ADGRB3: variants seen among roughly 807,000 people sequenced by gnomAD.
ADGRB3 encodes the protein brain-specific angiogenesis inhibitor 3.
ADGRB3 carries 37 observed loss-of-function variants against 193.4 expected under a neutral mutation model. That is an observed-to-expected ratio of 0.19 (90% CI 0.15 to 0.25). The LOEUF (loss-of-function observed/expected upper bound fraction) is 0.25. Ranked by LOEUF, ADGRB3 falls within the 10% of genes least tolerant of loss-of-function variation. ADGRB3 has a pLI of 1.00. For synonymous variants in ADGRB3, 690 were observed against 644.2 expected, an observed-to-expected ratio of 1.07 and a Z score of -1.08; for missense variants, 1,637 against 1,852.9, an observed-to-expected ratio of 0.88 and a Z score of 2.14.
intron 17 of ADGRB3, among the ~76,000 whole-genome samples, chr6:69,157,700 TAAA>T (rs35319098): frequency 7.2e-6 from 1 of 138,336 alleles, no homozygotes; most frequent in Non-Finnish European, 1.6e-5. Flanking sequence ...TATCTCTCTG[TAAA>T]AAAAAAAAAA....
chr6:68,681,166 C>T (rs1764887404), intron 3 of ADGRB3, among the ~76,000 whole-genome samples: 1 of 152,128 alleles, frequency 6.6e-6, no homozygotes. Flanking sequence ...CTAGAATGCA[C>T]TCATTATGGT....
At chr6:68,942,955 TATTCAC>T (rs1406337279) in intron 5 of ADGRB3, among the ~76,000 whole-genome samples, 2 of 152,224 alleles carry the variant, frequency 1.3e-5, no homozygotes, top group African/African-American at 4.8e-5. Context: ...TAACAATACT[TATTCAC>T]AGTGGTTATT....
At chr6:69,153,539 A>G (rs1023134011) in intron 17 of ADGRB3, among the ~76,000 whole-genome samples, 2 of 152,154 alleles carry the variant, frequency 1.3e-5, no homozygotes, top group Non-Finnish European at 2.9e-5. Flanking sequence ...TTCTTTTTCA[A>G]CAAGGTATGA....
intron 3 of ADGRB3, among the ~76,000 whole-genome samples, chr6:68,915,289 C>T (rs533133482): frequency 1.4e-4 from 8 of 57,894 alleles, no homozygotes; most frequent in Non-Finnish European, 2.5e-4. Context: ...TAGGACCTAA[C>T]TCATCCAGTT....
chr6:69,043,005 C>T (rs12212638), intron 13 of ADGRB3, among the ~76,000 whole-genome samples: 23,721 of 152,030 alleles, frequency 0.16, 2,473 homozygotes, highest in Non-Finnish European at 0.22. Context: ...ACTGCGTTTA[C>T]CACTTAGTCT....
chr6:69,339,668 G>A (rs1768934881), intron 26 of ADGRB3, among the ~76,000 whole-genome samples, 164 bp downstream of exon 26: 1 of 152,288 alleles, frequency 6.6e-6, no homozygotes, highest in African/African-American at 2.4e-5. Context: ...CACAGCTTGG[G>A]AGAGCCCCCA....
intron 22 of ADGRB3, among the ~76,000 whole-genome samples, chr6:69,329,864 A>G (rs1196552545): frequency 6.6e-6 from 1 of 152,186 alleles, no homozygotes; most frequent in East Asian, 1.9e-4. Flanking sequence ...TCTTGTCTCT[A>G]TCAATGCAAA....
intron 20 of ADGRB3, among the ~76,000 whole-genome samples, chr6:69,254,821 A>G (rs1293516484): frequency 6.7e-6 from 1 of 149,954 alleles, no homozygotes; most frequent in African/African-American, 2.4e-5. Flanking sequence ...CTCGTCATCT[A>G]GCATTAGATA....
At chr6:68,716,274 C>G (rs1180972112) in intron 3 of ADGRB3, among the ~76,000 whole-genome samples, 1 of 151,582 alleles carries the variant, frequency 6.6e-6, no homozygotes, top group Non-Finnish European at 1.5e-5. Flanking sequence ...TTCATGTGTT[C>G]ATTTTATGTG....
rs964837842 is a variant in ADGRB3, at chr6:69,354,249, G to A, written c.3476G>A (p.Arg1159Lys). ...TCCCCACAGGTTCAGGATGCATTTA[G>A]ATGCCGATTGAGAAACTGTCAGGAT... is the stretch of plus-strand genomic sequence containing the variant. ...ILRREVQDAF[R>K]CRLRNCQDPI... Residue 1159 changes from arginine (R) to lysine (K), a missense_variant, in exon 27 of 32, where the codon AGA becomes AAA. Transcript: ENST00000370598. 5.6e-6 allele frequency: 9 copies of A among 1,613,728 alleles called. No homozygotes were observed. In the Admixed American group the frequency reaches 8.3e-5, roughly 15 times the overall value.
intron 17 of ADGRB3, among the ~76,000 whole-genome samples, chr6:69,124,977 C>T (rs915826185): frequency 2.0e-5 from 3 of 151,776 alleles, no homozygotes; most frequent in Non-Finnish European, 4.4e-5. Context: ...AGATGGCTGG[C>T]TCTGGGGGAA....
intron 3 of ADGRB3, among the ~76,000 whole-genome samples, chr6:68,927,822 TATTA>T (rs571445271): frequency 7.9e-5 from 12 of 152,234 alleles, no homozygotes; most frequent in Admixed American, 3.3e-4. Context: ...CAGGACCTCA[TATTA>T]ATTCTTATTT....
intron 20 of ADGRB3, among the ~76,000 whole-genome samples, chr6:69,271,771 T>C (rs1767186635): frequency 1.3e-5 from 2 of 152,070 alleles, no homozygotes; most frequent in African/African-American, 4.8e-5. Context: ...CCTTTCCAAT[T>C]ACAGGATGAA....
chr6:68,654,310 A>G (rs1768441592), intron 3 of ADGRB3, among the ~76,000 whole-genome samples: 1 of 152,010 alleles, frequency 6.6e-6, no homozygotes, highest in Non-Finnish European at 1.5e-5. Flanking sequence ...TGTGAGTGGT[A>G]TGCTGGCAAG....
intron 8 of ADGRB3, among the ~76,000 whole-genome samples, chr6:68,959,311 C>G (rs893032685): frequency 3.9e-5 from 6 of 152,024 alleles, no homozygotes; most frequent in African/African-American, 1.4e-4. Context: ...TTCAAATTAC[C>G]ATAACATTTT....
At chr6:69,336,593 G>A (rs191388052) in intron 24 of ADGRB3, among the ~76,000 whole-genome samples, 1 of 152,120 alleles carries the variant, frequency 6.6e-6, no homozygotes, top group Admixed American at 6.5e-5. Context: ...ACTACCTGAA[G>A]AGTAATGTGT....
rs1480618299 is a variant in ADGRB3 at position 69,185,074 on chromosome 6, AT to A, written c.2481-48213del. 2.0e-5 allele frequency among the ~76,000 whole-genome samples: 3 copies of A among 152,242 alleles called. No individual in the cohort carries two copies. The East Asian group carries it at 5.8e-4, about 29-fold the overall frequency. On this transcript the variant is annotated intron_variant, in intron 17 of 31. Coordinates refer to ENST00000370598, the MANE Select transcript of ADGRB3 (RefSeq NM_001704.3). ...TTAATATTACATAAATTCTTCTATA[AT>A]TTCTAAACTAGGATTAGCCTTCAAA...
intron 3 of ADGRB3, among the ~76,000 whole-genome samples, chr6:68,824,557 T>C (rs917474407): frequency 2.6e-4 from 38 of 148,322 alleles, no homozygotes; most frequent in African/African-American, 8.8e-4. Context: ...ATACATATAA[T>C]ATAGCACAAT....
chr6:68,721,622 T>TC (rs1765581040), intron 3 of ADGRB3, among the ~76,000 whole-genome samples: 1 of 73,000 alleles, frequency 1.4e-5, no homozygotes, highest in African/African-American at 6.2e-5. Flanking sequence ...ACTTAAAGTA[T>TC]AATAAATATA....
Sources: gnomAD v4.1 joint callset for allele counts (sites outside exome capture counted in the v4.1 genomes callset) on GRCh38, gnomAD v4.1.1 for gene constraint, MANE v1.5 for transcripts, NCBI Gene and HGNC (gene_info 2026-07-23, HGNC 2026-07-21) for gene names.